Variants in PLEKHB1 observed in about 807,000 individuals in gnomAD.
The protein encoded by PLEKHB1 is pleckstrin homology domain containing B1, also known as pleckstrin homology domain-containing family B member 1.
Under a neutral mutation model 36.2 loss-of-function variants are expected in PLEKHB1, and 29 were observed. The observed-to-expected ratio is 0.80, with a 90% CI of 0.60 to 1.09. PLEKHB1 has a LOEUF of 1.09. Ranked by LOEUF, PLEKHB1 falls within the 50% of genes least tolerant of loss-of-function variation. The pLI, the probability that PLEKHB1 is intolerant of heterozygous loss-of-function variation, is 0.00. For missense variants in PLEKHB1, 330 were observed against 348.2 expected, an observed-to-expected ratio of 0.95 and a Z score of 0.42; for synonymous variants, 138 against 140.0, an observed-to-expected ratio of 0.99 and a Z score of 0.10.
chr11:73,653,439 G>A, intron 5 of PLEKHB1: 1 of 466,592 alleles, frequency 2.1e-6, no homozygotes. Context: ...GCCAGGTGGT[G>A]TGCCAAGTGC....
At chr11:73,658,937 G>A (rs890097964) in intron 6 of PLEKHB1, among the ~76,000 whole-genome samples, 1 of 152,180 alleles carries the variant, frequency 6.6e-6, no homozygotes, top group Non-Finnish European at 1.5e-5. Flanking sequence ...TGAGTGCATG[G>A]TGATGGCATG....
intron 2 of PLEKHB1, among the ~76,000 whole-genome samples, chr11:73,649,380 C>T (rs1472158029): frequency 6.6e-6 from 1 of 152,134 alleles, no homozygotes; most frequent in Non-Finnish European, 1.5e-5. Flanking sequence ...GAGGCTCCCT[C>T]CTCGGTTTTC....
chr11:73,653,362 C>A, intron 5 of PLEKHB1: 1 of 550,246 alleles, frequency 1.8e-6, no homozygotes, highest in Non-Finnish European at 3.5e-6. Context: ...ATTGTTCTCT[C>A]TCTGCAGATG....
At chr11:73,655,754 G>A in intron 5 of PLEKHB1, 49 bp from the exon 6 acceptor site, 1 of 1,542,046 alleles carries the variant, frequency 6.5e-7, no homozygotes, top group African/African-American at 1.4e-5. Flanking sequence ...GAGGGCCTCT[G>A]ACACCCCCTC....
Position 73,655,868 on chromosome 11 carries a change from C to CCGCTCGTGGAGCCCCTGT in PLEKHB1, c.457_474dup (p.Arg153_Cys158dup). On this transcript the variant is annotated inframe_insertion, in exon 6 of 8. Transcript: ENST00000354190. ...TTTGCTCCAAGGTCAGGTGTGTGAC[C>CCGCTCGTGGAGCCCCTGT]CGCTCGTGGAGCCCCTGTAAGGTTG... 6.2e-7 allele frequency: 1 copy of CCGCTCGTGGAGCCCCTGT among 1,613,798 alleles called. No homozygotes were observed. The highest frequency in any genetic ancestry group is 8.5e-7 in the Non-Finnish European group (1 of 1,179,858).
Position 73,649,079 on chromosome 11 carries a change from G to C in PLEKHB1, c.86G>C (p.Trp29Ser), listed in dbSNP as rs769851852. The C allele has an allele frequency of 1.7e-5, 27 of 1,597,264 alleles. No homozygotes were observed. The South Asian group carries it at 2.8e-4, about 17-fold the overall frequency. ...EMALVRGGWL[W>S]RQSSILRRWK... ...GCCCTGGTGAGGGGCGGCTGGCTGT[G>C]GAGACAGAGTGAGTGATCCTGGGCC... Residue 29 changes from tryptophan to serine, a missense_variant, in exon 2 of 8, where the codon TGG becomes TCG. Trp to Ser is a radical substitution (Grantham distance 177). Coordinates refer to ENST00000354190, the MANE Select transcript of PLEKHB1 (RefSeq NM_021200.3).
intron 1 of PLEKHB1, 23 bp from the exon 2 acceptor site, chr11:73,648,989 G>T: frequency 6.3e-7 from 1 of 1,575,152 alleles, no homozygotes. Context: ...TGAGGCCTGT[G>T]TCTCCCGTGG....
At position 73,658,612 on chromosome 11, in the gene PLEKHB1, T is replaced by A. The variant is rs180857652; in HGVS notation, c.496-2141T>A. ...AACCTGCTTTCTTTCCTTCTTTCTT[T>A]TTCTTTCTTTCTTTCTTTTTTTGAG... On this transcript the variant is annotated intron_variant, in intron 6 of 7. Transcript: ENST00000354190. Among the ~76,000 whole-genome samples the A allele has an allele frequency of 1.6e-3, 194 of 123,072 alleles. 1 individual carries two copies. The highest frequency in any genetic ancestry group is 4.6e-3 in the Middle Eastern group (1 of 218). 80.7% of individuals were successfully genotyped at this position (123,072 alleles called of 152,430 possible). A position where few individuals can be genotyped will look rare whatever the true frequency, so the allele number is the denominator to read the frequency against.
At position 73,661,322 on chromosome 11, in the gene PLEKHB1, G is replaced by A; in HGVS notation, c.596-144G>A. On this transcript the variant is annotated intron_variant, in intron 7 of 7. Coordinates refer to ENST00000354190, the MANE Select transcript of PLEKHB1 (RefSeq NM_021200.3). The surrounding 1 kb of genome is among the most constrained non-coding windows in gnomAD (Gnocchi z 4.6). ...AGCCGTAGGGTGGAGCTCTTCCCGC[G>A]TCTAGATCTGTTCTTTGACTGGGGA... The A allele has an allele frequency of 2.1e-6, 2 of 932,158 alleles. No homozygotes were observed. Among genetic ancestry groups the A allele is most frequent in the Non-Finnish European group, 3.2e-6 (2 of 617,350 alleles). 57.7% of individuals were successfully genotyped at this position (932,158 alleles called of 1,614,324 possible).
rs114418545 is a variant in PLEKHB1, at chr11:73,653,163, G to A, written c.390+149G>A. 1.6e-4 allele frequency: 138 copies of A among 847,336 alleles called. No individual in the cohort carries two copies. In the African/African-American group the frequency reaches 1.9e-3, roughly 12 times the overall value. 52.5% of individuals were successfully genotyped at this position (847,336 alleles called of 1,614,324 possible). ...TCTGATGCCTGAGTCCCAAGTGTTC[G>A]GGGAAAGGATAAGGGAGAGCCAACT... On this transcript the variant is annotated intron_variant, in intron 5 of 7. Coordinates refer to ENST00000354190, the MANE Select transcript of PLEKHB1 (RefSeq NM_021200.3).
chr11:73,660,555 G>T (rs999910206), intron 6 of PLEKHB1, 198 bp from the exon 7 acceptor site: 5 of 587,482 alleles, frequency 8.5e-6, no homozygotes, highest in Non-Finnish European at 1.5e-5. Context: ...TGGATGTAGG[G>T]CAGAAGTTTT....
rs1339052431 is a variant in PLEKHB1, at chr11:73,646,620, A to C, written c.12A>C (p.Ala4=). Residue 4 remains alanine (A), a synonymous_variant, in exon 1 of 8, where the codon GCA becomes GCC. Coordinates refer to ENST00000354190, the MANE Select transcript of PLEKHB1 (RefSeq NM_021200.3). ...GCCACCCAGGAACCATGAGCCCTGC[A>C]GCCCCGGTAAGGAAGAGTTCTCTGG... MSP[A]APVPPDSALE... 6.4e-6 allele frequency: 10 copies of C among 1,551,532 alleles called. No homozygotes were observed. The highest frequency in any genetic ancestry group is 7.8e-6 in the Non-Finnish European group (9 of 1,146,984).
chr11:73,660,780 T>C lies in PLEKHB1; in HGVS notation c.523T>C (p.Tyr175His), dbSNP rs776582989. The change falls in exon 7 of 8, where the codon TAC (tyrosine) becomes CAC (histidine). Residue 175 changes from tyrosine (Y) to histidine (H), a missense_variant. Transcript: ENST00000354190. ...WVRVYSPYQD[Y>H]YEVVPPNAHE... ...GCGCGTCTACAGCCCGTACCAAGAC[T>C]ACTACGAGGTGGTGCCCCCCAATGC... The C allele has an allele frequency of 1.0e-5, 16 of 1,600,798 alleles. No individual in the cohort carries two copies. The highest frequency in any genetic ancestry group is 1.2e-5 in the Non-Finnish European group (14 of 1,174,826).
At position 73,661,323 on chromosome 11, in the gene PLEKHB1, T is replaced by G; in HGVS notation, c.596-143T>G. The stretch of plus-strand genomic sequence containing the variant: ...GCCGTAGGGTGGAGCTCTTCCCGCG[T>G]CTAGATCTGTTCTTTGACTGGGGAG... On this transcript the variant is annotated intron_variant, in intron 7 of 7. Transcript: ENST00000354190. The surrounding 1 kb of genome is among the most constrained non-coding windows in gnomAD (Gnocchi z 4.6). The G allele has an allele frequency of 1.1e-6, 1 of 937,928 alleles. No individual in the cohort carries two copies. Among genetic ancestry groups the G allele is most frequent in the South Asian group, 1.6e-5 (1 of 60,656 alleles). The allele number at this position is 937,928 out of a possible 1,614,324, so 58.1% of individuals were successfully genotyped here. A position where few individuals can be genotyped will look rare whatever the true frequency, so the allele number is the denominator to read the frequency against.
intron 6 of PLEKHB1, among the ~76,000 whole-genome samples, chr11:73,659,626 A>G (rs1945063485): frequency 7.3e-6 from 1 of 137,830 alleles, no homozygotes. Flanking sequence ...CACAAGCAAG[A>G]TCCACAGAAT....
intron 2 of PLEKHB1, among the ~76,000 whole-genome samples, 199 bp downstream of exon 2, chr11:73,649,286 CAGA>C (rs1207362124): frequency 1.1e-4 from 17 of 152,198 alleles, no homozygotes; most frequent in African/African-American, 4.1e-4. Context: ...CGACCCATCT[CAGA>C]TGGGCCCCTC....
Position 73,662,065 on chromosome 11 carries a change from G to A in PLEKHB1, c.*463G>A, listed in dbSNP as rs1590806583. 1.3e-5 allele frequency: 2 copies of A among 156,702 alleles called. No individual in the cohort carries two copies. The highest frequency in any genetic ancestry group is 1.3e-4 in the Admixed American group (2 of 15,800). The allele number at this position is 156,702 out of a possible 1,614,324, so 9.7% of individuals were successfully genotyped here. A position where few individuals can be genotyped will look rare whatever the true frequency, so the allele number is the denominator to read the frequency against. On this transcript the variant is annotated 3_prime_UTR_variant, in exon 8 of 8. Transcript: ENST00000354190. Reference sequence around the variant, plus strand: ...CTTTGACAAGGACAGGTGGGGCAGGGAGCAAGACAGGTAGGCTGGAAGAAC... The same window carrying A: ...CTTTGACAAGGACAGGTGGGGCAGGAAGCAAGACAGGTAGGCTGGAAGAAC...
At chr11:73,652,481 G>C (rs1196273943) in intron 4 of PLEKHB1, 1 of 160,690 alleles carries the variant, frequency 6.2e-6, no homozygotes, top group Admixed American at 6.3e-5. Flanking sequence ...GTGTGGGAGT[G>C]GGGGAAGCTG....
At chr11:73,660,158 A>G (rs1245296674) in intron 6 of PLEKHB1, among the ~76,000 whole-genome samples, 1 of 152,178 alleles carries the variant, frequency 6.6e-6, no homozygotes, top group African/African-American at 2.4e-5. Context: ...GTTGGCTTGG[A>G]GCAATAGGAT....
Sources: allele counts gnomAD v4.1 joint callset (sites outside exome capture counted in the v4.1 genomes callset), GRCh38; gene constraint gnomAD v4.1.1; non-coding constraint Gnocchi (gnomAD v3.1); transcripts MANE v1.5; gene names NCBI Gene and HGNC (gene_info 2026-07-23, HGNC 2026-07-21).